MGME1: variants seen among roughly 807,000 people sequenced by gnomAD.
MGME1 encodes the protein chromosome 20 open reading frame 72.
In MGME1, 22 loss-of-function variants were observed where a neutral mutation model predicts 33.0. That is an observed-to-expected ratio of 0.67 (90% CI 0.48 to 0.95). The LOEUF (loss-of-function observed/expected upper bound fraction) is 0.95, where lower values mean the gene tolerates loss of function less well. MGME1 is among the 40% of genes least tolerant of loss of function. The pLI is 0.00. For missense variants in MGME1, 383 were observed against 397.8 expected (o/e 0.96, Z 0.32); for synonymous variants, 133 against 144.0 (o/e 0.92, Z 0.55).
chr20:17,987,438 A>G (rs1012532118), intron 3 of MGME1, among the ~76,000 whole-genome samples: 1 of 152,242 alleles, frequency 6.6e-6, no homozygotes, highest in African/African-American at 2.4e-5. Flanking sequence ...AATGTAAAAT[A>G]TCCCTATAAT....
intron 3 of MGME1, 80 bp from the exon 4 acceptor site, chr20:17,988,086 T>C: frequency 1.5e-6 from 2 of 1,375,814 alleles, no homozygotes; most frequent in Non-Finnish European, 2.0e-6. Context: ...TAACAAACTA[T>C]ACATAAGAGA....
rs537608341 is a variant in MGME1 at position 17,990,410 on chromosome 20, TG to T, written c.*314del. On this transcript the variant is annotated 3_prime_UTR_variant, in exon 5 of 5. Coordinates refer to ENST00000377710, the MANE Select transcript of MGME1 (RefSeq NM_052865.4). ...ACTCTTGTACTCCCTTGAGGGACAT[TG>T]GGGGGGGGGGGGCGTGGTCCCAGGC... is the stretch of plus-strand genomic sequence containing the variant. 5,628 of 45,114 alleles carry T rather than the reference TG, an allele frequency of 0.12. 32 individuals are homozygous for T. Among genetic ancestry groups the T allele is most frequent in the South Asian group, 0.23 (580 of 2,560 alleles). 2.8% of individuals were successfully genotyped at this position (45,114 alleles called of 1,614,324 possible).
intron 4 of MGME1, 125 bp downstream of exon 4, chr20:17,988,423 C>G (rs1420267324): frequency 2.0e-6 from 2 of 995,244 alleles, no homozygotes; most frequent in Non-Finnish European, 2.9e-6. Context: ...CGGTGGATCA[C>G]TTGAGGTCAG....
intron 3 of MGME1, among the ~76,000 whole-genome samples, chr20:17,982,524 A>G (rs780184867): frequency 2.6e-5 from 4 of 152,174 alleles, no homozygotes; most frequent in Non-Finnish European, 5.9e-5. Flanking sequence ...TTGTCACTTC[A>G]CTTGTACTCA....
At chr20:17,989,066 C>T (rs1358515545) in intron 4 of MGME1, among the ~76,000 whole-genome samples, 1 of 149,732 alleles carries the variant, frequency 6.7e-6, no homozygotes, top group Non-Finnish European at 1.5e-5. Context: ...TCTAGCCTGG[C>T]CGACAGAGCA....
intron 1 of MGME1, 28 bp from the exon 2 acceptor site, chr20:17,969,773 G>C: frequency 7.4e-7 from 1 of 1,354,840 alleles, no homozygotes; most frequent in Non-Finnish European, 1.0e-6. Flanking sequence ...TGCAGCTTTC[G>C]CTTTGATGGT....
chr20:17,981,619 G>C (rs1164530460), intron 3 of MGME1, among the ~76,000 whole-genome samples: 1 of 145,416 alleles, frequency 6.9e-6, no homozygotes, highest in Admixed American at 6.8e-5. Context: ...GGGATTACAG[G>C]CGTGAGCCAC....
rs940932251 is a variant in MGME1, at chr20:17,989,611, C to T, written c.865-328C>T. ...CCTCAGCTTCGAGGGTGCAACGAGC[C>T]GAGATTGTGCCACTGCACTCCAGCC... On this transcript the variant is annotated intron_variant, in intron 4 of 4. Coordinates refer to ENST00000377710, the MANE Select transcript of MGME1 (RefSeq NM_052865.4). 1.2e-4 allele frequency among the ~76,000 whole-genome samples: 18 copies of T among 151,114 alleles called. 1 individual carries two copies. The highest frequency in any genetic ancestry group is 6.6e-5 in the Admixed American group (1 of 15,136).
rs766497875 is a variant in MGME1 at position 17,990,235 on chromosome 20, A to AT, written c.*128dup. The AT allele has an allele frequency of 8.1e-5, 67 of 823,506 alleles. No individual in the cohort carries two copies. The highest frequency in any genetic ancestry group is 1.3e-4 in the Non-Finnish European group (63 of 500,678). 51.0% of individuals were successfully genotyped at this position (823,506 alleles called of 1,614,324 possible). A position where few individuals can be genotyped will look rare whatever the true frequency, so the allele number is the denominator to read the frequency against. On this transcript the variant is annotated 3_prime_UTR_variant, in exon 5 of 5. Transcript: ENST00000377710. ...GTGCTACACGAACACAAGTAGAAGT[A>AT]TTAATTTGTTGAAATGTGTTGTTAC...
In MGME1 at chr20:17,990,717, C is replaced by T. The variant is rs1195822623; in HGVS notation, c.*608C>T. ...TTGCTGACTATAAAGACAGTATATT[C>T]ACCATGTCGCTGGCAATATGTCATT... On this transcript the variant is annotated 3_prime_UTR_variant, in exon 5 of 5. Transcript: ENST00000377710. 3.3e-5 allele frequency: 5 copies of T among 152,636 alleles called. No homozygotes were observed. The South Asian group carries it at 1.0e-3, about 32-fold the overall frequency. 9.5% of individuals were successfully genotyped at this position (152,636 alleles called of 1,614,324 possible). A position where few individuals can be genotyped will look rare whatever the true frequency, so the allele number is the denominator to read the frequency against.
At chr20:17,986,197 T>A (rs112706783) in intron 3 of MGME1, among the ~76,000 whole-genome samples, 2,038 of 152,112 alleles carry the variant, frequency 0.013, 44 homozygotes, top group African/African-American at 0.047. Context: ...GCCTCCCGAG[T>A]AGCTGGGATT....
At chr20:17,988,014 C>T in intron 3 of MGME1, 152 bp from the exon 4 acceptor site, 1 of 675,092 alleles carries the variant, frequency 1.5e-6, no homozygotes, top group African/African-American at 1.9e-5. Context: ...ATATGAAACC[C>T]CATCTCTTTT....
intron 2 of MGME1, among the ~76,000 whole-genome samples, chr20:17,974,592 A>G (rs2035813452): frequency 6.6e-6 from 1 of 152,212 alleles, no homozygotes; most frequent in African/African-American, 2.4e-5. Flanking sequence ...ATGTGTCCTA[A>G]TGAAATTTCT....
At chr20:17,979,920 T>G (rs1257598532) in intron 3 of MGME1, among the ~76,000 whole-genome samples, 1 of 152,080 alleles carries the variant, frequency 6.6e-6, no homozygotes, top group Admixed American at 6.5e-5. Context: ...TTTGTAGATG[T>G]GGGGTCTCAC....
intron 3 of MGME1, among the ~76,000 whole-genome samples, chr20:17,982,103 T>C (rs2036037550): frequency 6.6e-6 from 1 of 152,244 alleles, no homozygotes; most frequent in Admixed American, 6.5e-5. Flanking sequence ...AGAGCTGTTC[T>C]AGGCAGATGC....
intron 3 of MGME1, among the ~76,000 whole-genome samples, chr20:17,979,826 G>A (rs1177025135): frequency 6.6e-6 from 1 of 152,032 alleles, no homozygotes; most frequent in Non-Finnish European, 1.5e-5. Context: ...TAACTCCCCA[G>A]GCTCAGGCTG....
At chr20:17,969,703 A>G in intron 1 of MGME1, 98 bp from the exon 2 acceptor site, 1 of 716,572 alleles carries the variant, frequency 1.4e-6, no homozygotes, top group South Asian at 2.3e-5. Context: ...TTTCTTAAGA[A>G]AGGGCTCTGT....
At position 17,970,348 on chromosome 20, in the gene MGME1, T is replaced by A. The variant is rs753350015; in HGVS notation, c.489T>A (p.Asp163Glu). ...GGATGATTCTGGAACTGGGAGAAGATGGCTTTAAAGAATACACTTCAAGTA... is the reference window on the plus strand; with the variant it reads ...GGATGATTCTGGAACTGGGAGAAGAAGGCTTTAAAGAATACACTTCAAGTA... ...KQRMILELGEDGFKEYTSNVF... is the reference protein window; with the variant it reads ...KQRMILELGEEGFKEYTSNVF... The change falls in exon 2 of 5, where the codon GAT becomes GAA. Residue 163 changes from aspartate (D) to glutamate (E), a missense_variant. Asp to Glu is a conservative substitution (Grantham distance 45, BLOSUM62 2). Coordinates refer to ENST00000377710, the MANE Select transcript of MGME1 (RefSeq NM_052865.4). 1.2e-5 allele frequency: 19 copies of A among 1,613,274 alleles called. No individual in the cohort carries two copies. The highest frequency in any genetic ancestry group is 4.5e-5 in the East Asian group (2 of 44,890).
intron 3 of MGME1, among the ~76,000 whole-genome samples, chr20:17,987,697 T>C (rs932356589): frequency 1.3e-5 from 2 of 152,196 alleles, no homozygotes; most frequent in Non-Finnish European, 2.9e-5. Context: ...GTAAGTAATA[T>C]ACATGCTTTG....
Sources: allele counts gnomAD v4.1 joint callset (sites outside exome capture counted in the v4.1 genomes callset), GRCh38; gene constraint gnomAD v4.1.1; transcripts MANE v1.5; gene names NCBI Gene and HGNC (gene_info 2026-07-23, HGNC 2026-07-21).